The following B4GALNT1 variants were observed in gnomAD, a reference collection of about 807,000 sequenced individuals.
B4GALNT1 encodes the protein beta-1,4 N-acetylgalactosaminyltransferase 1.
In B4GALNT1, 43 loss-of-function variants were observed where a neutral mutation model predicts 55.2. The ratio of observed to expected loss-of-function variants is 0.78; its 90% CI spans 0.61 to 1.00. The LOEUF (loss-of-function observed/expected upper bound fraction) is 1.00. Ranked by LOEUF, B4GALNT1 falls within the 50% of genes least tolerant of loss-of-function variation. The probability of loss-of-function intolerance (pLI) is 0.00; values close to 1 mark genes in which losing one functional copy is unlikely to be tolerated. For missense variants in B4GALNT1, 664 were observed against 729.7 expected (o/e 0.91, Z 1.04); for synonymous variants, 305 against 311.6 (o/e 0.98, Z 0.22).
At position 57,626,702 on chromosome 12, in the gene B4GALNT1, G is replaced by A. The variant is rs755227244; in HGVS notation, c.*42C>T. 3 of 1,606,146 alleles carry A rather than the reference G, an allele frequency of 1.9e-6. No individual in the cohort carries two copies. The East Asian group carries it at 6.7e-5, about 36-fold the overall frequency. On this transcript the variant is annotated 3_prime_UTR_variant, in exon 11 of 11. Coordinates refer to ENST00000341156, the MANE Select transcript of B4GALNT1 (RefSeq NM_001478.5). ...GTTGGAAATTCCTGGCAGGGACAAG[G>A]AGGCAGGCCCAGCCTGACAGTCAGA...
In B4GALNT1 at chr12:57,624,018, A is replaced by G. The variant is rs781504426; in HGVS notation, c.*2726T>C. On this transcript the variant is annotated 3_prime_UTR_variant, in exon 11 of 11. Coordinates refer to ENST00000341156, the MANE Select transcript of B4GALNT1 (RefSeq NM_001478.5). ...CTGCCTCAAGGCTGTCCTGGCTTGC[A>G]TCAACATCTCCAGCATGCGCCAGGT... The G allele has an allele frequency of 2.9e-5, 46 of 1,611,636 alleles. 1 individual carries two copies. The highest frequency in any genetic ancestry group is 1.1e-4 in the East Asian group (5 of 44,876).
chr12:57,628,332 T>C, intron 8 of B4GALNT1, 70 bp from the exon 9 acceptor site: 1 of 1,598,920 alleles, frequency 6.3e-7, no homozygotes, highest in Non-Finnish European at 8.6e-7. Context: ...CCTTTCTTTC[T>C]CTCCCCCGAC....
rs1884674533 is a variant in B4GALNT1, at chr12:57,624,582, T to G, written c.*2162A>C. On this transcript the variant is annotated 3_prime_UTR_variant, in exon 11 of 11. Transcript: ENST00000341156. Reference sequence around the variant, plus strand: ...GCTGTGGGTGTGGTCTTCTCCATGATGACTGTGGTCTGCCGCACCCGGAGG... The same window carrying G: ...GCTGTGGGTGTGGTCTTCTCCATGAGGACTGTGGTCTGCCGCACCCGGAGG... 3.0e-6 allele frequency: 2 copies of G among 668,158 alleles called. No individual in the cohort carries two copies. The highest frequency in any genetic ancestry group is 2.9e-6 in the Non-Finnish European group (1 of 346,838). 41.4% of individuals were successfully genotyped at this position (668,158 alleles called of 1,614,324 possible).
Position 57,629,052 on chromosome 12 carries a change from C to T in B4GALNT1, c.807G>A (p.Gln269=). 6.3e-7 allele frequency: 1 copy of T among 1,585,380 alleles called. No individual in the cohort carries two copies. The highest frequency in any genetic ancestry group is 8.6e-7 in the Non-Finnish European group (1 of 1,161,456). The change falls in exon 7 of 11, where the codon CAG becomes CAA. Residue 269 remains glutamine, a synonymous_variant. Transcript: ENST00000341156. The part of the protein sequence containing the change: ...PRLYPPGSLP[Q]GAQYNISALV... ...CCCTGCCCCTACCAGCCTCACCTCC[C>T]TGGGGTAGAGACCCAGGTGGGTACA...
intron 10 of B4GALNT1, 143 bp from the exon 11 acceptor site, chr12:57,627,104 C>G: frequency 1.4e-6 from 1 of 699,858 alleles, no homozygotes. Flanking sequence ...AATCAACTCC[C>G]TGGGTCTCAG....
In B4GALNT1 at chr12:57,624,759, C is replaced by A; in HGVS notation, c.*1985G>T. 9.9e-7 allele frequency: 1 copy of A among 1,013,360 alleles called. No homozygotes were observed. The highest frequency in any genetic ancestry group is 1.6e-6 in the Non-Finnish European group (1 of 632,106). 62.8% of individuals were successfully genotyped at this position (1,013,360 alleles called of 1,614,324 possible). On this transcript the variant is annotated 3_prime_UTR_variant, in exon 11 of 11. Coordinates refer to ENST00000341156, the MANE Select transcript of B4GALNT1 (RefSeq NM_001478.5). ...CTGGCACTTGGACAGGCTGAGGGGA[C>A]AGAGCTCTACAGACCACTCAGAGGA...
Position 57,626,786 on chromosome 12 carries a change from C to A in B4GALNT1, c.1560G>T (p.Leu520=), listed in dbSNP as rs1884835868. 3 of 1,614,116 alleles carry A rather than the reference C, an allele frequency of 1.9e-6. No homozygotes were observed. The South Asian group carries it at 3.3e-5, about 18-fold the overall frequency. Residue 520 remains leucine, a synonymous_variant, in exon 11 of 11, where the codon CTG becomes CTT. Transcript: ENST00000341156. ...LDESQMAKHR[L]LFFKHRLQCM... ...ACTGCAGCCGGTGTTTGAAGAAGAG[C>A]AGCCGGTGTTTGGCCATCTGGCTCT...
At position 57,624,277 on chromosome 12, in the gene B4GALNT1, C is replaced by A; in HGVS notation, c.*2467G>T. On this transcript the variant is annotated 3_prime_UTR_variant, in exon 11 of 11. Transcript: ENST00000341156. ...AAGGGAAAGGATGGGGTTTGAACCC[C>A]TTTGGCCTGAATATTTGTAACTTCC... is the stretch of plus-strand genomic sequence containing the variant. The A allele has an allele frequency of 1.5e-6, 1 of 656,918 alleles. No individual in the cohort carries two copies. Among genetic ancestry groups the A allele is most frequent in the Non-Finnish European group, 2.7e-6 (1 of 373,296 alleles). The allele number at this position is 656,918 out of a possible 1,614,324, so 40.7% of individuals were successfully genotyped here.
At position 57,624,655 on chromosome 12, in the gene B4GALNT1, G is replaced by A. The variant is rs746993845; in HGVS notation, c.*2089C>T. ...TGAGGTCGGGGCAGGGGAAGAGAAT[G>A]AGGTGCTTGGGGTGACTCTCCAGCC... On this transcript the variant is annotated 3_prime_UTR_variant, in exon 11 of 11. Coordinates refer to ENST00000341156, the MANE Select transcript of B4GALNT1 (RefSeq NM_001478.5). 3.6e-5 allele frequency: 26 copies of A among 727,886 alleles called. No homozygotes were observed. The Admixed American group carries it at 4.4e-4, about 12-fold the overall frequency. 45.1% of individuals were successfully genotyped at this position (727,886 alleles called of 1,614,324 possible). A position where few individuals can be genotyped will look rare whatever the true frequency, so the allele number is the denominator to read the frequency against.
Position 57,625,776 on chromosome 12 carries a change from G to T in B4GALNT1, c.*968C>A, listed in dbSNP as rs1284832075. 2.0e-6 allele frequency: 3 copies of T among 1,509,854 alleles called. No homozygotes were observed. The highest frequency in any genetic ancestry group is 2.7e-6 in the Non-Finnish European group (3 of 1,132,002). 93.5% of individuals were successfully genotyped at this position (1,509,854 alleles called of 1,614,324 possible). On this transcript the variant is annotated 3_prime_UTR_variant, in exon 11 of 11. Coordinates refer to ENST00000341156, the MANE Select transcript of B4GALNT1 (RefSeq NM_001478.5). The stretch of plus-strand genomic sequence containing the variant: ...GGGTAAGTGGCTGGAGACCCAGGGA[G>T]AGGGGTTTGGGAAAGGGTCTGAGGA...
chr12:57,629,930 C>T lies in B4GALNT1; in HGVS notation c.712+222G>A, dbSNP rs1299034320. ...ACAGTTGGCCTAAAGGGGAGACACA[C>T]CCAAGGCTCGGGTTTCCCTCTGGCC... On this transcript the variant is annotated intron_variant, in intron 6 of 10. Transcript: ENST00000341156. 5.9e-6 allele frequency: 9 copies of T among 1,536,120 alleles called. No individual in the cohort carries two copies. In the Admixed American group the frequency reaches 9.8e-5, roughly 17 times the overall value.
chr12:57,630,264 T>C lies in B4GALNT1; in HGVS notation c.600A>G (p.Gly200=), dbSNP rs200042738. 230 of 1,614,070 alleles carry C rather than the reference T, an allele frequency of 1.4e-4. No individual in the cohort carries two copies. Among genetic ancestry groups the C allele is most frequent in the Non-Finnish European group, 2.2e-5 (26 of 1,180,030 alleles). The change falls in exon 6 of 11, where the codon GGA becomes GGG. Residue 200 remains glycine, a synonymous_variant. Transcript: ENST00000341156. ...CAAGGGTGAGATCTGCCTGACCCTCTCCAGTGAGAGTAACTCCAGTCACTT... is the reference window on the plus strand; with the variant it reads ...CAAGGGTGAGATCTGCCTGACCCTCCCCAGTGAGAGTAACTCCAGTCACTT... ...AGEVTGVTLT[G]EGQADLTLVS...
At position 57,624,148 on chromosome 12, in the gene B4GALNT1, C is replaced by A; in HGVS notation, c.*2596G>T. 2 of 1,565,096 alleles carry A rather than the reference C, an allele frequency of 1.3e-6. No individual in the cohort carries two copies. Among genetic ancestry groups the A allele is most frequent in the South Asian group, 1.1e-5 (1 of 87,596 alleles). The stretch of plus-strand genomic sequence containing the variant: ...TTGCCCCCTCTCATCTTGTTAGCAT[C>A]CCCAGCCTCTGCCCTGAACCAAACC... On this transcript the variant is annotated 3_prime_UTR_variant, in exon 11 of 11. Transcript: ENST00000341156.
In B4GALNT1 at chr12:57,624,616, G is replaced by A; in HGVS notation, c.*2128C>T. The A allele has an allele frequency of 1.4e-6, 1 of 707,214 alleles. No homozygotes were observed. The highest frequency in any genetic ancestry group is 2.7e-6 in the Non-Finnish European group (1 of 372,692). The allele number at this position is 707,214 out of a possible 1,614,324, so 43.8% of individuals were successfully genotyped here. A position where few individuals can be genotyped will look rare whatever the true frequency, so the allele number is the denominator to read the frequency against. ...TCTGCCGCACCCGGAGGTGGGCATA[G>A]AGATGAGTGGAGTTGAGGTCGGGGC... On this transcript the variant is annotated 3_prime_UTR_variant, in exon 11 of 11. Coordinates refer to ENST00000341156, the MANE Select transcript of B4GALNT1 (RefSeq NM_001478.5).
chr12:57,627,931 G>A (rs542519146), intron 9 of B4GALNT1, 73 bp from the exon 10 acceptor site: 107 of 1,475,736 alleles, frequency 7.3e-5, no homozygotes, highest in Admixed American at 9.2e-5. Flanking sequence ...TCTGCGCTCC[G>A]GTGCCTTCGG....
chr12:57,631,176 C>G, intron 3 of B4GALNT1, 24 bp downstream of exon 3: 1 of 1,613,946 alleles, frequency 6.2e-7, no homozygotes, highest in African/African-American at 1.3e-5. Flanking sequence ...CCTGAGGAGT[C>G]ATGCGCTTCT....
Position 57,628,776 on chromosome 12 carries a change from G to C in B4GALNT1, c.939C>G (p.Asp313Glu), listed in dbSNP as rs1249396937. 6.2e-7 allele frequency: 1 copy of C among 1,614,266 alleles called. No homozygotes were observed. Among genetic ancestry groups the C allele is most frequent in the African/African-American group, 1.3e-5 (1 of 75,072 alleles). Residue 313 changes from aspartate (D) to glutamate (E), a missense_variant, in exon 8 of 11, where the codon GAC becomes GAG. Asp to Glu is a conservative substitution (Grantham distance 45). Coordinates refer to ENST00000341156, the MANE Select transcript of B4GALNT1 (RefSeq NM_001478.5). ...YPTVTVVIAD[D>E]SDKPERVSGP... ...CACTAACGCGCTCTGGCTTGTCGCT[G>C]TCGTCAGCGATGACCACGGTAACCG...
At chr12:57,628,672 G>A (rs375777493) in intron 8 of B4GALNT1, 41 bp downstream of exon 8, 3 of 1,610,760 alleles carry the variant, frequency 1.9e-6, no homozygotes, top group South Asian at 1.1e-5. Context: ...CACCCCCTGC[G>A]GGAGTCCTCT....
At chr12:57,632,590 A>C (rs1043552147) in intron 1 of B4GALNT1, 182 bp downstream of exon 1, 1 of 197,450 alleles carries the variant, frequency 5.1e-6, no homozygotes, top group Non-Finnish European at 1.0e-5. Context: ...GCCTGTCAGG[A>C]AAAAATGCAG....
Sources: allele counts gnomAD v4.1 joint callset, GRCh38; gene constraint gnomAD v4.1.1; transcripts MANE v1.5; gene names NCBI Gene and HGNC (gene_info 2026-07-23, HGNC 2026-07-21).